SCD5: variants seen among roughly 807,000 people sequenced by gnomAD.
SCD5 encodes stearoyl-CoA desaturase 5.
Under a neutral mutation model 30.4 loss-of-function variants are expected in SCD5, and 20 were observed. The ratio of observed to expected loss-of-function variants is 0.66; its 90% CI spans 0.46 to 0.96. The LOEUF (loss-of-function observed/expected upper bound fraction) is 0.96, where lower values mean the gene tolerates loss of function less well. Among genes scored for constraint, SCD5 ranks in the 40% least tolerant of loss-of-function variants. The pLI is 0.00. For synonymous variants in SCD5, 173 were observed against 176.4 expected (o/e 0.98, Z 0.16); for missense variants, 381 against 443.3 (o/e 0.86, Z 1.26).
intron 1 of SCD5, among the ~76,000 whole-genome samples, chr4:82,735,102 A>T (rs1444323222): frequency 6.6e-6 from 1 of 152,170 alleles, no homozygotes; most frequent in African/African-American, 2.4e-5. Flanking sequence ...GCATTATAGC[A>T]GGTCCTCAAA....
intron 1 of SCD5, among the ~76,000 whole-genome samples, chr4:82,794,395 C>A (rs1722165275): frequency 6.6e-6 from 1 of 152,110 alleles, no homozygotes. Context: ...AGGGAAAAAA[C>A]AGAAAAGGCC....
intron 1 of SCD5, among the ~76,000 whole-genome samples, chr4:82,792,839 C>T (rs1722128117): frequency 6.6e-6 from 1 of 152,236 alleles, no homozygotes; most frequent in African/African-American, 2.4e-5. Context: ...TGAAGTTGAA[C>T]TAATTAGCAA....
At chr4:82,671,945 T>C (rs1728335157) in intron 3 of SCD5, among the ~76,000 whole-genome samples, 1 of 151,916 alleles carries the variant, frequency 6.6e-6, no homozygotes, top group African/African-American at 2.4e-5. Flanking sequence ...ACAACATACT[T>C]CTAAATAACA....
At chr4:82,687,268 A>T (rs957793835) in intron 2 of SCD5, among the ~76,000 whole-genome samples, 1 of 152,294 alleles carries the variant, frequency 6.6e-6, no homozygotes, top group East Asian at 1.9e-4. Context: ...AATAAAAAAT[A>T]TAAGTTTAAG....
chr4:82,679,322 C>T (rs755991319), intron 3 of SCD5, among the ~76,000 whole-genome samples: 23 of 151,206 alleles, frequency 1.5e-4, no homozygotes, highest in Non-Finnish European at 1.0e-4. Flanking sequence ...TTATTTTCTG[C>T]TATAAAACTT....
chr4:82,643,336 T>C (rs758961625), intron 3 of SCD5, among the ~76,000 whole-genome samples: 5 of 152,186 alleles, frequency 3.3e-5, no homozygotes, highest in Non-Finnish European at 7.3e-5. Flanking sequence ...CATTATTCAG[T>C]GGATGAGTAG....
chr4:82,754,811 GA>G (rs2148843849), intron 1 of SCD5, among the ~76,000 whole-genome samples: 1 of 152,260 alleles, frequency 6.6e-6, no homozygotes, highest in East Asian at 1.9e-4. Context: ...TTAACACTGG[GA>G]TCTGTGAGGC....
At chr4:82,754,754 C>T (rs1273611878) in intron 1 of SCD5, among the ~76,000 whole-genome samples, 1 of 152,208 alleles carries the variant, frequency 6.6e-6, no homozygotes, top group Non-Finnish European at 1.5e-5. Context: ...TGGGGGAACC[C>T]ATGCCAATCT....
intron 1 of SCD5, among the ~76,000 whole-genome samples, chr4:82,710,630 G>A (rs1720063272): frequency 1.3e-5 from 2 of 152,174 alleles, no homozygotes; most frequent in African/African-American, 4.8e-5. Context: ...CCTGGGTTGA[G>A]GAGGGGGAAC....
chr4:82,675,416 G>C (rs1728415081), intron 3 of SCD5, among the ~76,000 whole-genome samples: 2 of 152,256 alleles, frequency 1.3e-5, no homozygotes, highest in Middle Eastern at 3.4e-3. Flanking sequence ...GGTGAAACAG[G>C]CCTCAAAAAT....
chr4:82,635,637 A>AAG (rs1727411229), intron 4 of SCD5, among the ~76,000 whole-genome samples: 2 of 150,546 alleles, frequency 1.3e-5, no homozygotes, highest in Admixed American at 6.6e-5. Context: ...AAAAAAAAAA[A>AAG]GCAACATCAC....
chr4:82,639,569 A>G (rs1727499515), intron 3 of SCD5, among the ~76,000 whole-genome samples: 1 of 152,242 alleles, frequency 6.6e-6, no homozygotes, highest in African/African-American at 2.4e-5. Flanking sequence ...CAATTTCCAG[A>G]AAGGACCACA....
chr4:82,699,710 G>T (rs1200763456), intron 2 of SCD5, among the ~76,000 whole-genome samples: 1 of 150,454 alleles, frequency 6.6e-6, no homozygotes, highest in East Asian at 2.0e-4. Context: ...TCACCAGGCT[G>T]AAGTGCAGTG....
At chr4:82,732,359 G>A (rs1046567158) in intron 1 of SCD5, among the ~76,000 whole-genome samples, 1 of 152,172 alleles carries the variant, frequency 6.6e-6, no homozygotes, top group Non-Finnish European at 1.5e-5. Flanking sequence ...CAAAGTGCTT[G>A]GATTACAGGC....
intron 3 of SCD5, among the ~76,000 whole-genome samples, chr4:82,640,788 G>C (rs1158746972): frequency 2.0e-5 from 3 of 152,048 alleles, no homozygotes; most frequent in Admixed American, 1.3e-4. Context: ...GAATGGTCTG[G>C]CCAAGGGGCC....
At chr4:82,778,449 A>G (rs962498054) in intron 1 of SCD5, among the ~76,000 whole-genome samples, 4 of 152,240 alleles carry the variant, frequency 2.6e-5, no homozygotes, top group African/African-American at 9.6e-5. Flanking sequence ...AGCCTGAGCC[A>G]GGTGTGGCTG....
chr4:82,705,137 T>TA, intron 2 of SCD5, 146 bp downstream of exon 2: 1 of 1,015,718 alleles, frequency 9.8e-7, no homozygotes, highest in Non-Finnish European at 1.4e-6. Flanking sequence ...TACAAAGAGA[T>TA]AAAAACTTGG....
chr4:82,767,957 A>G (rs1303009451), intron 1 of SCD5, among the ~76,000 whole-genome samples: 1 of 152,214 alleles, frequency 6.6e-6, no homozygotes, highest in African/African-American at 2.4e-5. Flanking sequence ...AAGGAAAATA[A>G]TAATAATTTT....
chr4:82,667,516 C>T (rs1387007513), intron 3 of SCD5, among the ~76,000 whole-genome samples: 3 of 152,154 alleles, frequency 2.0e-5, no homozygotes, highest in Non-Finnish European at 4.4e-5. Context: ...TGTCTTGTAT[C>T]CCAGAATATA....
Sources: allele counts gnomAD v4.1 joint callset (sites outside exome capture counted in the v4.1 genomes callset), GRCh38; gene constraint gnomAD v4.1.1; transcripts MANE v1.5; gene names NCBI Gene and HGNC (gene_info 2026-07-23, HGNC 2026-07-21).